NAE1: variants seen among roughly 807,000 people sequenced by gnomAD.
The protein encoded by NAE1 is NEDD8 activating enzyme E1 subunit 1, also known as NEDD8-activating enzyme E1 regulatory subunit.
NAE1 carries 59 observed loss-of-function variants against 88.0 expected under a neutral mutation model. The observed-to-expected ratio is 0.67, with a 90% CI of 0.54 to 0.83. The LOEUF (loss-of-function observed/expected upper bound fraction) is 0.83, where lower values mean the gene tolerates loss of function less well. Among genes scored for constraint, NAE1 ranks in the 40% least tolerant of loss-of-function variants. The probability of loss-of-function intolerance (pLI) is 0.00; values close to 1 mark genes in which losing one functional copy is unlikely to be tolerated. For missense variants in NAE1, 554 were observed against 632.8 expected, an observed-to-expected ratio of 0.88 and a Z score of 1.34; for synonymous variants, 186 against 208.9, an observed-to-expected ratio of 0.89 and a Z score of 0.95.
chr16:66,816,970 C>T lies in NAE1; in HGVS notation c.743G>A (p.Arg248Lys). 6.3e-7 allele frequency: 1 copy of T among 1,598,688 alleles called. No homozygotes were observed. Among genetic ancestry groups the T allele is most frequent in the Non-Finnish European group, 8.5e-7 (1 of 1,176,040 alleles). Residue 248 changes from arginine to lysine, a missense_variant, in exon 10 of 20, where the codon AGA (arginine) becomes AAA (lysine). Arg to Lys is a conservative substitution (Grantham distance 26). Coordinates refer to ENST00000290810, the MANE Select transcript of NAE1 (RefSeq NM_003905.4). ...TTAATCATATCCCATATTACCTTGTCTAATCAAATCTCTGAAGTCCTCTTT... is the reference window on the plus strand; with the variant it reads ...TTAATCATATCCCATATTACCTTGTTTAATCAAATCTCTGAAGTCCTCTTT... The part of the protein sequence containing the change: ...KEKEDFRDLI[R>K]QGILKNENGA...
chr16:66,812,899 T>C (rs571225442), intron 13 of NAE1, among the ~76,000 whole-genome samples: 2 of 149,860 alleles, frequency 1.3e-5, no homozygotes, highest in East Asian at 2.0e-4. Flanking sequence ...CTCCGCTCAC[T>C]GCAAGCTCCG....
At chr16:66,815,520 C>A (rs1300275580) in intron 11 of NAE1, among the ~76,000 whole-genome samples, 1 of 152,172 alleles carries the variant, frequency 6.6e-6, no homozygotes, top group East Asian at 1.9e-4. Flanking sequence ...CCACACCCAT[C>A]TAATTTTTAA....
At chr16:66,806,145 A>T in intron 17 of NAE1, 119 bp from the exon 18 acceptor site, 1 of 1,215,266 alleles carries the variant, frequency 8.2e-7, no homozygotes, top group Non-Finnish European at 1.1e-6. Flanking sequence ...GAAGAACAAA[A>T]ATAACAAAGT....
intron 5 of NAE1, 68 bp from the exon 6 acceptor site, chr16:66,823,374 GA>G: frequency 7.2e-7 from 1 of 1,385,324 alleles, no homozygotes; most frequent in Non-Finnish European, 1.0e-6. Context: ...AAACATGGCA[GA>G]GACAGTTAAG....
intron 19 of NAE1, among the ~76,000 whole-genome samples, chr16:66,804,070 A>C (rs891780400): frequency 1.2e-4 from 19 of 152,212 alleles, no homozygotes; most frequent in African/African-American, 4.6e-4. Flanking sequence ...ATAGGTGCTA[A>C]GGAGAAAAAG....
chr16:66,816,676 T>C lies in NAE1; in HGVS notation c.749-4A>G, dbSNP rs955620179. On this transcript the variant is annotated splice_region_variant and splice_polypyrimidine_tract_variant and intron_variant, in intron 10 of 19. Transcript: ENST00000290810. ...CCATTTTCATTTTTTAGAATTCCTA[T>C]TGTAATGGGAAATTGTTAGCAAACA... is the stretch of plus-strand genomic sequence containing the variant. The C allele has an allele frequency of 6.3e-7, 1 of 1,593,000 alleles. No individual in the cohort carries two copies. Among genetic ancestry groups the C allele is most frequent in the Non-Finnish European group, 8.6e-7 (1 of 1,162,518 alleles).
At chr16:66,830,708 C>G in intron 1 of NAE1, 139 bp downstream of exon 1, 3 of 767,192 alleles carry the variant, frequency 3.9e-6, no homozygotes, top group South Asian at 2.1e-5. Context: ...CGAGCGCCGG[C>G]TTCCCGCGCC....
chr16:66,829,523 A>C (rs562475494), intron 1 of NAE1, among the ~76,000 whole-genome samples: 19 of 152,314 alleles, frequency 1.2e-4, no homozygotes, highest in African/African-American at 4.3e-4. Context: ...GGTTGCTTTC[A>C]AGGGTACTCT....
intron 19 of NAE1, among the ~76,000 whole-genome samples, chr16:66,803,714 C>A (rs1483151022): frequency 6.6e-6 from 1 of 152,010 alleles, no homozygotes; most frequent in African/African-American, 2.4e-5. Context: ...CCTCAGCCTC[C>A]CAAGTAGCTG....
At chr16:66,808,103 G>A (rs80331124) in intron 17 of NAE1, among the ~76,000 whole-genome samples, 2,553 of 152,068 alleles carry the variant, frequency 0.017, 58 homozygotes, top group South Asian at 0.096. Context: ...TGTTGCCCAC[G>A]CTGGTCTCCA....
intron 7 of NAE1, among the ~76,000 whole-genome samples, chr16:66,820,726 C>A (rs891464926): frequency 1.3e-5 from 2 of 152,062 alleles, no homozygotes; most frequent in Non-Finnish European, 2.9e-5. Context: ...ATGGTGAAAC[C>A]CCATCTCTAC....
intron 1 of NAE1, chr16:66,828,113 C>G (rs1460840749): frequency 6.6e-7 from 1 of 1,516,168 alleles, no homozygotes; most frequent in Admixed American, 1.7e-5. Context: ...CGCCTGTTTT[C>G]TCCATCAAAG....
In NAE1 at chr16:66,826,793, C is replaced by T. The variant is rs747944635; in HGVS notation, c.54-13G>A. 1.3e-6 allele frequency: 2 copies of T among 1,578,314 alleles called. No individual in the cohort carries two copies. On this transcript the variant is annotated splice_polypyrimidine_tract_variant and intron_variant, in intron 1 of 19. Transcript: ENST00000290810. ...ATCACCCCACAACCTACAAAACAGA[C>T]ACAAATTTGATGTTTTTAAAACTTT... is the stretch of plus-strand genomic sequence containing the variant.
intron 1 of NAE1, chr16:66,828,026 A>G (rs1960533453): frequency 6.2e-7 from 1 of 1,613,678 alleles, no homozygotes; most frequent in Non-Finnish European, 8.5e-7. Context: ...TTTCCACTCC[A>G]CTGTATGCTC....
At chr16:66,811,143 G>A (rs1404759199) in intron 13 of NAE1, among the ~76,000 whole-genome samples, 1 of 152,148 alleles carries the variant, frequency 6.6e-6, no homozygotes, top group Non-Finnish European at 1.5e-5. Context: ...CATTAAAACT[G>A]TTCATCTCCA....
At chr16:66,824,973 C>T (rs1960405336) in intron 3 of NAE1, 88 bp from the exon 4 acceptor site, 1 of 1,109,878 alleles carries the variant, frequency 9.0e-7, no homozygotes, top group Non-Finnish European at 1.3e-6. Flanking sequence ...ATTTCATTCA[C>T]AGTATAAAAC....
chr16:66,815,881 T>C (rs1220628901), intron 11 of NAE1, among the ~76,000 whole-genome samples: 2 of 151,252 alleles, frequency 1.3e-5, no homozygotes, highest in Admixed American at 6.6e-5. Context: ...CAGGCTCGTC[T>C]TGGACTCCTG....
At chr16:66,812,574 G>A (rs1207677265) in intron 13 of NAE1, among the ~76,000 whole-genome samples, 2 of 141,170 alleles carry the variant, frequency 1.4e-5, no homozygotes, top group East Asian at 2.0e-4. Context: ...CTGGAGTGCA[G>A]TGGCACGATC....
At chr16:66,817,540 G>C in intron 8 of NAE1, 53 bp from the exon 9 acceptor site, 1 of 1,210,530 alleles carries the variant, frequency 8.3e-7, no homozygotes, top group Non-Finnish European at 1.2e-6. Context: ...ATTCTTCACT[G>C]TACCATCTCG....
Sources: allele counts gnomAD v4.1 joint callset (sites outside exome capture counted in the v4.1 genomes callset), GRCh38; gene constraint gnomAD v4.1.1; transcripts MANE v1.5; gene names NCBI Gene and HGNC (gene_info 2026-07-23, HGNC 2026-07-21).